Variants in CTNNA3 observed in about 807,000 individuals in gnomAD.
CTNNA3 encodes the protein catenin alpha 3.
A neutral mutation model predicts 95.7 loss-of-function variants in CTNNA3; 76 were observed. The observed-to-expected ratio is 0.79, with a 90% CI of 0.66 to 0.96. The LOEUF (loss-of-function observed/expected upper bound fraction) is 0.96. Ranked by LOEUF, CTNNA3 falls within the 40% of genes least tolerant of loss-of-function variation. The pLI is 0.00. For missense variants in CTNNA3, 1,191 were observed against 1,089.8 expected (o/e 1.09, Z -1.31); for synonymous variants, 431 against 374.4 (o/e 1.15, Z -1.74).
At chr10:67,753,402 A>G (rs892828136) in intron 1 of CTNNA3, among the ~76,000 whole-genome samples, 1 of 152,144 alleles carries the variant, frequency 6.6e-6, no homozygotes, top group Admixed American at 6.6e-5. Context: ...CATTCAGGAC[A>G]TAAACAAAGA....
chr10:67,462,837 T>C (rs1246939285), intron 5 of CTNNA3, among the ~76,000 whole-genome samples: 2 of 152,212 alleles, frequency 1.3e-5, no homozygotes, highest in Non-Finnish European at 2.9e-5. Flanking sequence ...ACACAGAGTT[T>C]TCTTTTCCAT....
rs1589162542 is a variant in CTNNA3, at chr10:66,379,206, G to T, written c.1678C>A (p.Pro560Thr). Reference protein sequence around the residue: ...IVTGEMDSYEPGAYTEGVMRN... With the variant: ...IVTGEMDSYETGAYTEGVMRN... ...ATTACACCTTCCGTGTAAGCCCCTG[G>T]CTCGTAACTGTCCATTTCACCCGTG... is the stretch of plus-strand genomic sequence containing the variant. The change falls in exon 12 of 18, where the codon CCA becomes ACA. Residue 560 changes from proline (P) to threonine (T), a missense_variant. Physicochemically the swap from Pro to Thr is conservative, Grantham distance 38 (BLOSUM62 -1). Coordinates refer to ENST00000433211, the MANE Select transcript of CTNNA3 (RefSeq NM_013266.4). The T allele has an allele frequency of 6.2e-7, 1 of 1,614,058 alleles. No homozygotes were observed. Among genetic ancestry groups the T allele is most frequent in the Non-Finnish European group, 8.5e-7 (1 of 1,179,974 alleles).
At chr10:66,595,331 TTTATTATTATTA>T (rs138690387) in intron 10 of CTNNA3, among the ~76,000 whole-genome samples, 8 of 149,174 alleles carry the variant, frequency 5.4e-5, no homozygotes, top group East Asian at 2.0e-4. Flanking sequence ...ATTGATCTTA[TTTATTATTATTA>T]TTATTATTAT....
chr10:66,362,159 G>A (rs1318262353), intron 12 of CTNNA3, among the ~76,000 whole-genome samples: 1 of 133,534 alleles, frequency 7.5e-6, no homozygotes, highest in Non-Finnish European at 1.5e-5. Flanking sequence ...CTGGAGTGCA[G>A]TTGTGCGATC....
chr10:67,763,191 G>C (rs1405390173), intron 1 of CTNNA3, among the ~76,000 whole-genome samples: 2 of 151,974 alleles, frequency 1.3e-5, no homozygotes, highest in African/African-American at 4.8e-5. Context: ...TAAAATTCAT[G>C]CCTGGCAATG....
chr10:67,354,108 T>C (rs909025358), intron 5 of CTNNA3, among the ~76,000 whole-genome samples: 2 of 151,986 alleles, frequency 1.3e-5, no homozygotes, highest in Non-Finnish European at 2.9e-5. Flanking sequence ...ACTAGGAACA[T>C]TACAAAAGTC....
At chr10:66,064,333 G>T (rs561161024) in intron 15 of CTNNA3, among the ~76,000 whole-genome samples, 1 of 152,124 alleles carries the variant, frequency 6.6e-6, no homozygotes, top group Non-Finnish European at 1.5e-5. Flanking sequence ...GATAAGATCC[G>T]GATGGGGACA....
chr10:66,909,143 T>C (rs1385274384), intron 7 of CTNNA3, among the ~76,000 whole-genome samples: 1 of 151,770 alleles, frequency 6.6e-6, no homozygotes, highest in Non-Finnish European at 1.5e-5. Flanking sequence ...ACAGGAAGAG[T>C]AAACAGCTCC....
chr10:66,286,781 T>C (rs149522455), intron 12 of CTNNA3, among the ~76,000 whole-genome samples: 3 of 152,122 alleles, frequency 2.0e-5, no homozygotes, highest in African/African-American at 7.2e-5. Flanking sequence ...ATAGAATTGA[T>C]CTTACCTCTA....
At chr10:67,470,957 T>C (rs1474033186) in intron 5 of CTNNA3, among the ~76,000 whole-genome samples, 2 of 151,962 alleles carry the variant, frequency 1.3e-5, no homozygotes, top group Non-Finnish European at 2.9e-5. Flanking sequence ...ATTTTTGTCT[T>C]TTTTATTTAT....
At chr10:66,108,191 A>C (rs1188056774) in intron 13 of CTNNA3, among the ~76,000 whole-genome samples, 4 of 152,210 alleles carry the variant, frequency 2.6e-5, no homozygotes, top group Non-Finnish European at 5.9e-5. Flanking sequence ...TATCAATGAC[A>C]CAATGCCAAA....
chr10:67,106,793 A>C (rs564942114), intron 7 of CTNNA3, among the ~76,000 whole-genome samples: 3 of 152,314 alleles, frequency 2.0e-5, no homozygotes, highest in Non-Finnish European at 4.4e-5. Context: ...GCTATCACTG[A>C]AGACATTTTT....
intron 5 of CTNNA3, among the ~76,000 whole-genome samples, chr10:67,284,111 G>A (rs1292888984): frequency 6.6e-6 from 1 of 152,202 alleles, no homozygotes; most frequent in African/African-American, 2.4e-5. Context: ...CCTAGAGAGA[G>A]GGAGATGGAA....
chr10:66,004,022 C>T (rs143223122), intron 15 of CTNNA3, among the ~76,000 whole-genome samples: 1 of 152,298 alleles, frequency 6.6e-6, no homozygotes, highest in African/African-American at 2.4e-5. Flanking sequence ...TTTAGACGCT[C>T]AACACTCCTT....
intron 9 of CTNNA3, among the ~76,000 whole-genome samples, chr10:66,722,377 C>CAA (rs34164580): frequency 2.2e-5 from 3 of 137,428 alleles, no homozygotes; most frequent in East Asian, 2.1e-4. Flanking sequence ...GACCCTGTCT[C>CAA]AAAAAAAAAA....
At chr10:66,489,089 G>A (rs904128130) in intron 11 of CTNNA3, among the ~76,000 whole-genome samples, 1 of 152,086 alleles carries the variant, frequency 6.6e-6, no homozygotes, top group Admixed American at 6.5e-5. Flanking sequence ...GTGAATCAAA[G>A]ACTACTACAT....
chr10:66,087,854 T>C (rs2081050078), intron 14 of CTNNA3, among the ~76,000 whole-genome samples: 1 of 152,028 alleles, frequency 6.6e-6, no homozygotes, highest in African/African-American at 2.4e-5. Flanking sequence ...GTGCTACTGT[T>C]TGGAAATGAA....
chr10:66,010,369 C>T (rs1042270565), intron 15 of CTNNA3, among the ~76,000 whole-genome samples: 1 of 151,802 alleles, frequency 6.6e-6, no homozygotes, highest in African/African-American at 2.4e-5. Flanking sequence ...AGCACAGATG[C>T]TATAGTAAAG....
intron 1 of CTNNA3, among the ~76,000 whole-genome samples, chr10:67,704,319 G>C (rs1052646485): frequency 5.9e-5 from 9 of 152,154 alleles, no homozygotes; most frequent in African/African-American, 2.2e-4. Context: ...GCATCACCAA[G>C]TCAATCTTAA....
Sources: gnomAD v4.1 joint callset for allele counts (sites outside exome capture counted in the v4.1 genomes callset) on GRCh38, gnomAD v4.1.1 for gene constraint, MANE v1.5 for transcripts, NCBI Gene and HGNC (gene_info 2026-07-23, HGNC 2026-07-21) for gene names.